The following ANKFY1 variants were observed in gnomAD, a reference collection of about 807,000 sequenced individuals.
ANKFY1 encodes ankyrin repeat and FYVE domain containing 1.
ANKFY1 carries 47 observed loss-of-function variants against 128.3 expected under a neutral mutation model. That is an observed-to-expected ratio of 0.37 (90% confidence interval 0.29 to 0.47). ANKFY1 has a LOEUF of 0.47. Ranked by LOEUF, ANKFY1 falls within the 20% of genes least tolerant of loss-of-function variation. The pLI is 1.00. For missense variants in ANKFY1, 1,222 were observed against 1,510.6 expected, an observed-to-expected ratio of 0.81 and a Z score of 3.17; for synonymous variants, 553 against 601.6, an observed-to-expected ratio of 0.92 and a Z score of 1.18.
chr17:4,222,650 G>A lies in ANKFY1; in HGVS notation c.323-5532C>T, dbSNP rs2143105052. ...TTTACCGTCTTAAATTTTAAACCAA[G>A]GAAAATGTGCACCAAAAATGGCCCT... On this transcript the variant is annotated intron_variant, in intron 3 of 24. Coordinates refer to ENST00000341657, the MANE Select transcript of ANKFY1 (RefSeq NM_001330063.2). 39 of 945,090 alleles carry A rather than the reference G, an allele frequency of 4.1e-5. 1 individual carries two copies. In the South Asian group the frequency reaches 5.2e-4, roughly 13 times the overall value. The allele number at this position is 945,090 out of a possible 1,614,324, so 58.5% of individuals were successfully genotyped here. A position where few individuals can be genotyped will look rare whatever the true frequency, so the allele number is the denominator to read the frequency against.
intron 3 of ANKFY1, among the ~76,000 whole-genome samples, chr17:4,233,540 AT>A (rs1280860422): frequency 6.6e-6 from 1 of 152,214 alleles, no homozygotes; most frequent in Non-Finnish European, 1.5e-5. Context: ...CTCAAGTTAA[AT>A]CCTAGAAATT....
At chr17:4,222,797 A>G (rs759140996) in intron 3 of ANKFY1, 4 of 1,012,872 alleles carry the variant, frequency 3.9e-6, no homozygotes, top group Admixed American at 3.4e-5. Flanking sequence ...AAAGGGTTGA[A>G]CTGGATGACA....
At chr17:4,188,461 C>G (rs2059651066) in intron 11 of ANKFY1, 1 of 152,150 alleles carries the variant, frequency 6.6e-6, no homozygotes, top group South Asian at 2.1e-4. Flanking sequence ...CTTAACCTCT[C>G]AGAACCTCAA....
At chr17:4,207,686 T>TAA (rs79910969) in intron 6 of ANKFY1, among the ~76,000 whole-genome samples, 13 of 139,888 alleles carry the variant, frequency 9.3e-5, no homozygotes, top group African/African-American at 2.1e-4. Flanking sequence ...AAGAAGCGTT[T>TAA]AAAAAAAAAA....
At chr17:4,176,634 C>T (rs1555623551) in intron 19 of ANKFY1, among the ~76,000 whole-genome samples, 1 of 152,222 alleles carries the variant, frequency 6.6e-6, no homozygotes, top group Non-Finnish European at 1.5e-5. Flanking sequence ...AGACCCTCCC[C>T]GGCCTGGGTG....
intron 18 of ANKFY1, among the ~76,000 whole-genome samples, chr17:4,177,516 C>T (rs542933393): frequency 6.6e-6 from 1 of 152,270 alleles, no homozygotes; most frequent in South Asian, 2.1e-4. Flanking sequence ...GTGTGCGTGG[C>T]CACACCCACG....
intron 2 of ANKFY1, among the ~76,000 whole-genome samples, chr17:4,238,169 A>G (rs1967007027): frequency 6.6e-6 from 1 of 151,166 alleles, no homozygotes; most frequent in African/African-American, 2.4e-5. Context: ...AAAAAAAAAA[A>G]AAAAAAAGGC....
Position 4,170,763 on chromosome 17 carries a change from T to C in ANKFY1, c.3238A>G (p.Ile1080Val). Residue 1080 changes from isoleucine (I) to valine (V), a missense_variant, in exon 23 of 25, where the codon ATC (isoleucine) becomes GTC (valine). By Grantham distance (29) the Ile-to-Val change is conservative. Transcript: ENST00000341657. Reference protein sequence around the residue: ...LGVNNNQGVNIFNYQVATKQL... With the variant: ...LGVNNNQGVNVFNYQVATKQL... ...TTGGTGGCGACCTGGTAGTTGAAGA[T>C]GTTGACTCCCTGGTTGTTATTCACC... The C allele has an allele frequency of 6.2e-7, 1 of 1,614,088 alleles. No homozygotes were observed. The highest frequency in any genetic ancestry group is 8.5e-7 in the Non-Finnish European group (1 of 1,179,960).
intron 20 of ANKFY1, 114 bp from the exon 21 acceptor site, chr17:4,173,558 G>T: frequency 1.0e-6 from 1 of 957,340 alleles, no homozygotes; most frequent in East Asian, 2.6e-5. Flanking sequence ...AGCAGCGACT[G>T]GCCACGCACA....
In ANKFY1 at chr17:4,169,332, C is replaced by T. The variant is rs764462610; in HGVS notation, c.3287-44G>A. On this transcript the variant is annotated intron_variant, in intron 23 of 24. Transcript: ENST00000341657. This position sits in a 1 kb window ranked among gnomAD's most constrained non-coding sequence, Gnocchi z 5.0. ...GCCCGGTCCCGTCAAACCGCGACGG[C>T]GCCACGCAAGCCCCAGGGCTTGGAG... is the stretch of plus-strand genomic sequence containing the variant. 1.4e-5 allele frequency: 20 copies of T among 1,457,590 alleles called. No individual in the cohort carries two copies. The highest frequency in any genetic ancestry group is 1.2e-4 in the East Asian group (5 of 40,002). 90.3% of individuals were successfully genotyped at this position (1,457,590 alleles called of 1,614,324 possible).
At chr17:4,259,334 G>T (rs1026451238) in intron 1 of ANKFY1, among the ~76,000 whole-genome samples, 8 of 152,192 alleles carry the variant, frequency 5.3e-5, no homozygotes, top group African/African-American at 1.9e-4. Flanking sequence ...AGGCTGGAGT[G>T]CGGTGGCGCG....
At chr17:4,220,791 G>A (rs1037132773) in intron 3 of ANKFY1, among the ~76,000 whole-genome samples, 1 of 152,228 alleles carries the variant, frequency 6.6e-6, no homozygotes, top group Non-Finnish European at 1.5e-5. Context: ...CTGGGTACTT[G>A]TGGGTAAATC....
At chr17:4,249,848 T>C (rs942258789) in intron 1 of ANKFY1, among the ~76,000 whole-genome samples, 4 of 151,790 alleles carry the variant, frequency 2.6e-5, no homozygotes, top group African/African-American at 9.7e-5. Flanking sequence ...TTAAGAGTCC[T>C]CTTTGGTCAC....
chr17:4,188,435 C>A (rs963401810), intron 11 of ANKFY1: 1 of 152,142 alleles, frequency 6.6e-6, no homozygotes, highest in Non-Finnish European at 1.5e-5. Context: ...GTGGACACCT[C>A]ATTATTTATA....
chr17:4,255,295 G>A (rs1286204100), intron 1 of ANKFY1, among the ~76,000 whole-genome samples: 1 of 137,088 alleles, frequency 7.3e-6, no homozygotes, highest in South Asian at 2.2e-4. Flanking sequence ...CGCCCAGACT[G>A]GAGTGCAATG....
chr17:4,222,853 C>T, intron 3 of ANKFY1: 1 of 958,732 alleles, frequency 1.0e-6, no homozygotes, highest in Non-Finnish European at 1.7e-6. Flanking sequence ...CAGCCATCCA[C>T]CCAGACGACT....
chr17:4,185,269 G>C (rs184817203), intron 11 of ANKFY1, among the ~76,000 whole-genome samples: 3 of 152,038 alleles, frequency 2.0e-5, no homozygotes, highest in Non-Finnish European at 4.4e-5. Flanking sequence ...GCAGTGTCAA[G>C]ATCTCGGCTC....
chr17:4,185,053 G>C lies in ANKFY1; in HGVS notation c.1471-7C>G, dbSNP rs1452810716. 6.2e-7 allele frequency: 1 copy of C among 1,609,554 alleles called. No individual in the cohort carries two copies. The highest frequency in any genetic ancestry group is 1.1e-5 in the South Asian group (1 of 90,898). ...TGTGCAACGGGGTTTCTCCCTGAAT[G>C]GAAACAAATGGCCGAAATCTGAGCA... On this transcript the variant is annotated splice_polypyrimidine_tract_variant and splice_region_variant and intron_variant, in intron 11 of 24. Coordinates refer to ENST00000341657, the MANE Select transcript of ANKFY1 (RefSeq NM_001330063.2).
At chr17:4,188,727 G>C (rs908545200) in intron 11 of ANKFY1, 1 of 152,180 alleles carries the variant, frequency 6.6e-6, no homozygotes, top group African/African-American at 2.4e-5. Flanking sequence ...TTAGCTGGGC[G>C]TGGTGGTGCA....
Sources: gnomAD v4.1 joint callset for allele counts (sites outside exome capture counted in the v4.1 genomes callset) on GRCh38, gnomAD v4.1.1 for gene constraint, Gnocchi (gnomAD v3.1) non-coding constraint, MANE v1.5 for transcripts, NCBI Gene and HGNC (gene_info 2026-07-23, HGNC 2026-07-21) for gene names.